The following MLLT1 variants were observed in gnomAD, a reference collection of about 807,000 sequenced individuals.
MLLT1 encodes protein ENL.
A neutral mutation model predicts 55.1 loss-of-function variants in MLLT1; 11 were observed. The ratio of observed to expected loss-of-function variants is 0.20; its 90% CI spans 0.13 to 0.33. The LOEUF is 0.33. Ranked by LOEUF, MLLT1 falls within the 10% of genes least tolerant of loss-of-function variation. The pLI is 1.00. For synonymous variants in MLLT1, 323 were observed against 320.1 expected, an observed-to-expected ratio of 1.01 and a Z score of -0.10; for missense variants, 536 against 760.6, an observed-to-expected ratio of 0.70 and a Z score of 3.47.
chr19:6,225,321 C>T (rs1458376686), intron 5 of MLLT1, among the ~76,000 whole-genome samples: 1 of 152,242 alleles, frequency 6.6e-6, no homozygotes, highest in African/African-American at 2.4e-5. Flanking sequence ...AAAAGGCCCA[C>T]CTATCCCATC....
chr19:6,262,298 G>A lies in MLLT1; in HGVS notation c.206C>T (p.Pro69Leu). Residue 69 changes from proline (P) to leucine (L), a missense_variant, in exon 3 of 12, where the codon CCC becomes CTC. Physicochemically the swap from Pro to Leu is moderately conservative, Grantham distance 98. Around this residue, in one of 3 missense-constraint regions of MLLT1, gnomAD observed 62 missense variants for 195.8 expected, o/e 0.32. Coordinates refer to ENST00000252674, the MANE Select transcript of MLLT1 (RefSeq NM_005934.4). The surrounding 1 kb of genome is among the most constrained non-coding windows in gnomAD (Gnocchi z 4.4). ...FPKPRRVCKE[P>L]PYKVEESGYA... ...CCCCGACTCCTCTACTTTGTAGGGG[G>A]GCTCCTTGCACACTAAAAAGAAAAG... 6.2e-7 allele frequency: 1 copy of A among 1,613,416 alleles called. No homozygotes were observed. The highest frequency in any genetic ancestry group is 8.5e-7 in the Non-Finnish European group (1 of 1,179,688).
intron 3 of MLLT1, among the ~76,000 whole-genome samples, chr19:6,239,016 G>T (rs2144894157): frequency 6.6e-6 from 1 of 152,360 alleles, no homozygotes; most frequent in African/African-American, 2.4e-5. Context: ...CAGCTGCTAG[G>T]AGAGGAAGCT....
At chr19:6,245,485 C>T (rs1050377472) in intron 3 of MLLT1, among the ~76,000 whole-genome samples, 2 of 151,112 alleles carry the variant, frequency 1.3e-5, no homozygotes, top group Non-Finnish European at 3.0e-5. Context: ...CCGAGGTGGG[C>T]GGATCACGAG....
At position 6,213,081 on chromosome 19, in the gene MLLT1, C is replaced by A; in HGVS notation, c.1641G>T (p.Val547=). ...FDLFSLDETT[V]RKLQSCLEAV... The stretch of plus-strand genomic sequence containing the variant: ...CCTCCAGGCAGCTCTGCAGTTTGCG[C>A]ACGGTGGTCTCGTCCAGGGAGAAGA... Residue 547 remains valine (V), a synonymous_variant, in exon 12 of 12, where the codon GTG becomes GTT. Transcript: ENST00000252674. The A allele has an allele frequency of 6.2e-7, 1 of 1,613,916 alleles. No individual in the cohort carries two copies. Among genetic ancestry groups the A allele is most frequent in the Non-Finnish European group, 8.5e-7 (1 of 1,179,844 alleles).
rs2090905110 is a variant in MLLT1, at chr19:6,222,176, T to A, written c.1055A>T (p.Lys352Met). 1.9e-6 allele frequency: 3 copies of A among 1,579,270 alleles called. No homozygotes were observed. Among genetic ancestry groups the A allele is most frequent in the Non-Finnish European group, 2.6e-6 (3 of 1,162,432 alleles). ...KAESEPREAK[K>M]ALEVEESNSE... is the part of the protein sequence containing the mutation. ...GTTGGACTCCTCCACCTCCAGGGCCTTTTTGGCCTCCCGGGGCTCACTCTC... is the reference window on the plus strand; with the variant it reads ...GTTGGACTCCTCCACCTCCAGGGCCATTTTGGCCTCCCGGGGCTCACTCTC... Residue 352 changes from lysine (K) to methionine (M), a missense_variant, in exon 6 of 12, where the codon AAG (lysine) becomes ATG (methionine). Lys to Met is a moderately conservative substitution (Grantham distance 95). Transcript: ENST00000252674. This position sits in a 1 kb window ranked among gnomAD's most constrained non-coding sequence, Gnocchi z 4.1.
At position 6,274,804 on chromosome 19, in the gene MLLT1, G is replaced by A. The variant is rs181254921; in HGVS notation, c.13-4045C>T. ...GGAAACCATCTGAAAGACAGCGGACGGAGGGATGGGCACGAGCGCTCCAAG... is the reference window on the plus strand; with the variant it reads ...GGAAACCATCTGAAAGACAGCGGACAGAGGGATGGGCACGAGCGCTCCAAG... On this transcript the variant is annotated intron_variant, in intron 1 of 11. Transcript: ENST00000252674. 2.4e-3 allele frequency among the ~76,000 whole-genome samples: 364 copies of A among 152,336 alleles called. 1 individual carries two copies. The highest frequency in any genetic ancestry group is 8.2e-3 in the African/African-American group (340 of 41,574).
rs1359393686 is a variant in MLLT1 at position 6,212,798 on chromosome 19, A to C, written c.*244T>G. 57 of 913,400 alleles carry C rather than the reference A, an allele frequency of 6.2e-5. No individual in the cohort carries two copies. In the East Asian group the frequency reaches 2.0e-3, roughly 31 times the overall value. The allele number at this position is 913,400 out of a possible 1,614,324, so 56.6% of individuals were successfully genotyped here. ...TGCCTTCAACACCAGCCGCTCTCTGAGGGGAGCCCAGAGAGCCCGGGGGGC... is the reference window on the plus strand; with the variant it reads ...TGCCTTCAACACCAGCCGCTCTCTGCGGGGAGCCCAGAGAGCCCGGGGGGC... On this transcript the variant is annotated 3_prime_UTR_variant, in exon 12 of 12. Coordinates refer to ENST00000252674, the MANE Select transcript of MLLT1 (RefSeq NM_005934.4).
chr19:6,215,308 C>G (rs987024302), intron 8 of MLLT1, among the ~76,000 whole-genome samples: 2 of 152,258 alleles, frequency 1.3e-5, no homozygotes, highest in African/African-American at 4.8e-5. Flanking sequence ...CCGTCAGCCT[C>G]TCTGCGCTCA....
chr19:6,264,159 A>C (rs2091327591), intron 2 of MLLT1, among the ~76,000 whole-genome samples: 1 of 152,026 alleles, frequency 6.6e-6, no homozygotes, highest in Non-Finnish European at 1.5e-5. Context: ...AAAAAAACAA[A>C]AGGGCAAACT....
chr19:6,245,334 C>G (rs1459150781), intron 3 of MLLT1, among the ~76,000 whole-genome samples: 1 of 150,192 alleles, frequency 6.7e-6, no homozygotes, highest in East Asian at 2.0e-4. Context: ...TCAAACAATC[C>G]TTCCACCTCG....
chr19:6,211,375 CTTTCCCCGAGAGTTCTGGGGAG>C lies in MLLT1; in HGVS notation c.*1645_*1666del. On this transcript the variant is annotated 3_prime_UTR_variant, in exon 12 of 12. Transcript: ENST00000252674. The surrounding 1 kb of genome is among the most constrained non-coding windows in gnomAD (Gnocchi z 4.6). ...AGGCTTCCTCCGAAGGTTCTCGGGC[CTTTCCCCGAGAGTTCTGGGGAG>C]TTTCCCCAGGACAGCTGGCATTGGG... is the stretch of plus-strand genomic sequence containing the variant. 4.2e-6 allele frequency: 1 copy of C among 235,656 alleles called. No individual in the cohort carries two copies. 14.6% of individuals were successfully genotyped at this position (235,656 alleles called of 1,614,324 possible). A position where few individuals can be genotyped will look rare whatever the true frequency, so the allele number is the denominator to read the frequency against.
At chr19:6,215,505 C>T (rs771359330) in intron 8 of MLLT1, among the ~76,000 whole-genome samples, 18 of 152,190 alleles carry the variant, frequency 1.2e-4, no homozygotes, top group Non-Finnish European at 1.8e-4. Flanking sequence ...GCTCTGTCTG[C>T]GGTGGGTGGG....
intron 7 of MLLT1, among the ~76,000 whole-genome samples, chr19:6,217,472 C>T (rs2090856454): frequency 6.6e-6 from 1 of 152,202 alleles, no homozygotes; most frequent in Admixed American, 6.5e-5. Flanking sequence ...GGCCTATGTC[C>T]TTTCCCCAAA....
At chr19:6,216,772 C>T (rs889350748) in intron 7 of MLLT1, 41 of 482,930 alleles carry the variant, frequency 8.5e-5, no homozygotes, top group Non-Finnish European at 1.4e-4. Flanking sequence ...GGGGACTGGC[C>T]GGCAGTGGGC....
At chr19:6,213,302 A>G (rs1465937192) in intron 11 of MLLT1, 35 bp downstream of exon 11, 1 of 1,610,812 alleles carries the variant, frequency 6.2e-7, no homozygotes, top group Non-Finnish European at 8.5e-7. Context: ...AGGCACCCCG[A>G]CCTCTGCCGG....
At chr19:6,257,356 G>C (rs2091265724) in intron 3 of MLLT1, among the ~76,000 whole-genome samples, 1 of 148,898 alleles carries the variant, frequency 6.7e-6, no homozygotes, top group African/African-American at 2.5e-5. Flanking sequence ...CTGGGCAACA[G>C]AGTGAGACCC....
chr19:6,239,648 C>T (rs974710726), intron 3 of MLLT1, among the ~76,000 whole-genome samples: 10 of 152,256 alleles, frequency 6.6e-5, no homozygotes, highest in African/African-American at 1.9e-4. Context: ...CACACTCATA[C>T]ACGTCCATAC....
intron 3 of MLLT1, among the ~76,000 whole-genome samples, chr19:6,248,393 G>C (rs905437698): frequency 1.3e-5 from 2 of 152,210 alleles, no homozygotes; most frequent in African/African-American, 2.4e-5. Flanking sequence ...GCTGGACTTA[G>C]TGACCTGCTT....
chr19:6,268,407 G>T (rs1339632136), intron 2 of MLLT1, among the ~76,000 whole-genome samples: 5 of 152,158 alleles, frequency 3.3e-5, no homozygotes, highest in African/African-American at 1.2e-4. Flanking sequence ...AGAAGCAAAT[G>T]AGCTGGTATT....
Sources: gnomAD v4.1 joint callset for allele counts (sites outside exome capture counted in the v4.1 genomes callset) on GRCh38, gnomAD v4.1.1 for gene constraint, gnomAD v4.1.1 regional missense constraint, Gnocchi (gnomAD v3.1) non-coding constraint, MANE v1.5 for transcripts, NCBI Gene and HGNC (gene_info 2026-07-23, HGNC 2026-07-21) for gene names.